Variants in CCSER1 observed in about 807,000 individuals in gnomAD.
The protein encoded by CCSER1 is serine-rich coiled-coil domain-containing protein 1.
In CCSER1, 41 loss-of-function variants were observed where a neutral mutation model predicts 82.0. The ratio of observed to expected loss-of-function variants is 0.50; its 90% confidence interval spans 0.39 to 0.65. CCSER1 has a LOEUF of 0.65. Ranked by LOEUF, CCSER1 falls within the 30% of genes least tolerant of loss-of-function variation. The pLI, the probability that CCSER1 is intolerant of heterozygous loss-of-function variation, is 0.00. For synonymous variants in CCSER1, 414 were observed against 383.9 expected (o/e 1.08, Z -0.92); for missense variants, 1,119 against 1,064.2 (o/e 1.05, Z -0.72).
chr4:91,215,567 C>G (rs1182085660), intron 10 of CCSER1, among the ~76,000 whole-genome samples: 1 of 152,064 alleles, frequency 6.6e-6, no homozygotes, highest in East Asian at 1.9e-4. Flanking sequence ...AGATGGAGGC[C>G]AGCAGACTAA....
intron 5 of CCSER1, among the ~76,000 whole-genome samples, chr4:90,529,949 A>ATT (rs202232768): frequency 2.4e-5 from 3 of 126,866 alleles, no homozygotes; most frequent in African/African-American, 1.0e-4. Context: ...ATATATATAT[A>ATT]TATTTTTTTT....
At chr4:91,440,985 A>C (rs1755089825) in intron 10 of CCSER1, among the ~76,000 whole-genome samples, 2 of 151,934 alleles carry the variant, frequency 1.3e-5, no homozygotes, top group Admixed American at 1.3e-4. Context: ...TCAATAGCTT[A>C]CCAACCAAAA....
chr4:90,932,457 T>C (rs1224148214), intron 9 of CCSER1, among the ~76,000 whole-genome samples: 1 of 152,152 alleles, frequency 6.6e-6, no homozygotes, highest in Non-Finnish European at 1.5e-5. Context: ...ACCCTAAATA[T>C]GAATGAATTA....
chr4:91,353,873 C>G (rs1748646370), intron 10 of CCSER1, among the ~76,000 whole-genome samples: 1 of 152,118 alleles, frequency 6.6e-6, no homozygotes. Context: ...CCAAACATGG[C>G]TACAGGATTG....
At chr4:90,215,841 C>G (rs1740898743) in intron 1 of CCSER1, among the ~76,000 whole-genome samples, 1 of 152,118 alleles carries the variant, frequency 6.6e-6, no homozygotes, top group Non-Finnish European at 1.5e-5. Flanking sequence ...GTCCAACAGG[C>G]TTTACTACCT....
chr4:90,694,292 G>T (rs1736571988), intron 6 of CCSER1, among the ~76,000 whole-genome samples: 4 of 151,950 alleles, frequency 2.6e-5, no homozygotes, highest in Admixed American at 2.6e-4. Context: ...CAATTGTAGT[G>T]TGCCAGAGTT....
chr4:91,381,157 T>A (rs1010689699), intron 10 of CCSER1, among the ~76,000 whole-genome samples: 5 of 152,192 alleles, frequency 3.3e-5, no homozygotes, highest in Admixed American at 1.3e-4. Context: ...TAACCTGACC[T>A]TTCTCTATGG....
chr4:91,552,583 A>C (rs2110228328), intron 10 of CCSER1, among the ~76,000 whole-genome samples: 2 of 151,758 alleles, frequency 1.3e-5, no homozygotes, highest in South Asian at 4.2e-4. Flanking sequence ...TATATATGAC[A>C]AAAGGAACTA....
chr4:90,686,383 T>C (rs1734821270), intron 6 of CCSER1, among the ~76,000 whole-genome samples: 1 of 151,910 alleles, frequency 6.6e-6, no homozygotes, highest in African/African-American at 2.4e-5. Flanking sequence ...TAACTGGAGG[T>C]GTTTGCTAGA....
chr4:90,201,081 C>T (rs1038759465), intron 1 of CCSER1, among the ~76,000 whole-genome samples: 1 of 152,022 alleles, frequency 6.6e-6, no homozygotes, highest in African/African-American at 2.4e-5. Context: ...GACAAAAATC[C>T]CTCAATAAGC....
intron 10 of CCSER1, among the ~76,000 whole-genome samples, chr4:91,443,832 A>G (rs1024389877): frequency 6.6e-6 from 1 of 150,968 alleles, no homozygotes; most frequent in Non-Finnish European, 1.5e-5. Flanking sequence ...CCATCCAATT[A>G]TATAGATATT....
At chr4:90,388,546 G>A (rs1293577243) in intron 3 of CCSER1, among the ~76,000 whole-genome samples, 2 of 152,134 alleles carry the variant, frequency 1.3e-5, no homozygotes, top group Admixed American at 1.3e-4. Flanking sequence ...CTGACCTCAG[G>A]AGATCCGCTT....
intron 8 of CCSER1, among the ~76,000 whole-genome samples, chr4:90,835,302 G>T (rs1430827637): frequency 6.6e-6 from 1 of 152,136 alleles, no homozygotes; most frequent in African/African-American, 2.4e-5. Context: ...CTGCACTCTA[G>T]CCCGGGCGAC....
At chr4:90,647,208 A>G (rs1054877321) in intron 6 of CCSER1, among the ~76,000 whole-genome samples, 5 of 152,156 alleles carry the variant, frequency 3.3e-5, no homozygotes, top group African/African-American at 9.7e-5. Flanking sequence ...CTGATTATCA[A>G]CTTTTGTGAG....
intron 3 of CCSER1, among the ~76,000 whole-genome samples, chr4:90,322,757 T>C (rs1737398246): frequency 6.6e-6 from 1 of 152,186 alleles, no homozygotes; most frequent in African/African-American, 2.4e-5. Flanking sequence ...CTTTTTCTCT[T>C]CCTTCACTTT....
intron 10 of CCSER1, among the ~76,000 whole-genome samples, chr4:91,104,186 A>C (rs908169245): frequency 4.6e-5 from 7 of 152,158 alleles, no homozygotes; most frequent in African/African-American, 1.7e-4. Context: ...TCCAGACAAT[A>C]TATGCACCAC....
chr4:91,504,013 A>G (rs915167163), intron 10 of CCSER1, among the ~76,000 whole-genome samples: 37 of 152,350 alleles, frequency 2.4e-4, no homozygotes, highest in African/African-American at 8.9e-4. Context: ...CTCTGCATAC[A>G]TAAGTCCTTT....
At chr4:90,755,996 G>C (rs541689508) in intron 7 of CCSER1, among the ~76,000 whole-genome samples, 3 of 152,134 alleles carry the variant, frequency 2.0e-5, no homozygotes, top group South Asian at 4.1e-4. Flanking sequence ...GAGGCCAAGA[G>C]GGGGTGGATC....
intron 10 of CCSER1, among the ~76,000 whole-genome samples, chr4:91,111,585 T>C (rs1484423882): frequency 6.6e-6 from 1 of 151,798 alleles, no homozygotes; most frequent in East Asian, 1.9e-4. Context: ...TAAAAGGGAG[T>C]AATTTGAATT....
Sources: allele counts gnomAD v4.1 joint callset (sites outside exome capture counted in the v4.1 genomes callset), GRCh38; gene constraint gnomAD v4.1.1; transcripts MANE v1.5; gene names NCBI Gene and HGNC (gene_info 2026-07-23, HGNC 2026-07-21).